The following CACNA1B variants were observed in gnomAD, a reference collection of about 807,000 sequenced individuals.
The protein encoded by CACNA1B is calcium voltage-gated channel subunit alpha1 B, also known as voltage-dependent N-type calcium channel subunit alpha-1B.
Under a neutral mutation model 247.2 loss-of-function variants are expected in CACNA1B, and 70 were observed. The ratio of observed to expected loss-of-function variants is 0.28; its 90% CI spans 0.23 to 0.35. The LOEUF is 0.35. Ranked by LOEUF, CACNA1B falls within the 10% of genes least tolerant of loss-of-function variation. The probability of loss-of-function intolerance (pLI) is 1.00; values close to 1 mark genes in which losing one functional copy is unlikely to be tolerated. For synonymous variants in CACNA1B, 1,231 were observed against 1,294.4 expected (o/e 0.95, Z 1.05); for missense variants, 2,367 against 3,197.4 (o/e 0.74, Z 6.26).
At chr9:137,927,996 C>T (rs1374723348) in intron 6 of CACNA1B, among the ~76,000 whole-genome samples, 1 of 152,160 alleles carries the variant, frequency 6.6e-6, no homozygotes, top group Non-Finnish European at 1.5e-5. Context: ...GGTCATGGTA[C>T]CTAATTCTCT....
At chr9:137,987,193 G>A (rs1958374498) in intron 15 of CACNA1B, among the ~76,000 whole-genome samples, 1 of 152,098 alleles carries the variant, frequency 6.6e-6, no homozygotes, top group Admixed American at 6.5e-5. Flanking sequence ...TTTATTCTCC[G>A]AGAACAAAAA....
Position 137,919,648 on chromosome 9 carries a change from C to A in CACNA1B, c.966+2217C>A, listed in dbSNP as rs1476635253. 6.6e-6 allele frequency among the ~76,000 whole-genome samples: 1 copy of A among 152,258 alleles called. No individual in the cohort carries two copies. Among genetic ancestry groups the A allele is most frequent in the African/African-American group, 2.4e-5 (1 of 41,468 alleles). ...ACTTTTGTGGCCCCTCGGATATACG[C>A]TCCTTCAAGCAATGACATCTGGGTT... On this transcript the variant is annotated intron_variant, in intron 6 of 46. Transcript: ENST00000371372. This position sits in a 1 kb window ranked among gnomAD's most constrained non-coding sequence, Gnocchi z 4.6.
chr9:138,047,645 A>C (rs1959195300), intron 23 of CACNA1B, among the ~76,000 whole-genome samples, 187 bp downstream of exon 23: 1 of 152,214 alleles, frequency 6.6e-6, no homozygotes, highest in African/African-American at 2.4e-5. Context: ...TCGTTCACTG[A>C]GAAAATTACT....
At chr9:137,996,561 G>T (rs932284267) in intron 15 of CACNA1B, among the ~76,000 whole-genome samples, 3 of 152,134 alleles carry the variant, frequency 2.0e-5, no homozygotes, top group African/African-American at 7.2e-5. Flanking sequence ...TATGCTGCTT[G>T]GGTGATGGGT....
At position 138,024,924 on chromosome 9, in the gene CACNA1B, G is replaced by A. The variant is rs1392047441; in HGVS notation, c.3069-31G>A. On this transcript the variant is annotated intron_variant, in intron 19 of 46. Transcript: ENST00000371372. ...CGGGATCACAGGTGTGAGCCACTGC[G>A]CCGAGGCCTGATGTACATTCTTGAT... The A allele has an allele frequency of 4.0e-6, 6 of 1,484,620 alleles. No individual in the cohort carries two copies. In the Admixed American group the frequency reaches 5.9e-5, roughly 15 times the overall value. The allele number at this position is 1,484,620 out of a possible 1,614,324, so 92.0% of individuals were successfully genotyped here. A position where few individuals can be genotyped will look rare whatever the true frequency, so the allele number is the denominator to read the frequency against.
chr9:137,949,217 TGTGA>T (rs796638049), intron 6 of CACNA1B, among the ~76,000 whole-genome samples: 83 of 48,884 alleles, frequency 1.7e-3, no homozygotes, highest in African/African-American at 6.0e-3. Flanking sequence ...GTATGTGTGG[TGTGA>T]GTGTGTGTGT....
chr9:137,895,396 A>G (rs1219101993), intron 3 of CACNA1B, among the ~76,000 whole-genome samples: 2 of 152,238 alleles, frequency 1.3e-5, no homozygotes, highest in African/African-American at 4.8e-5. Flanking sequence ...ATATAAAAAA[A>G]ATCAGTTTCA....
intron 3 of CACNA1B, among the ~76,000 whole-genome samples, chr9:137,901,348 C>T (rs1301913564): frequency 1.3e-5 from 2 of 151,110 alleles, no homozygotes; most frequent in African/African-American, 2.4e-5. Flanking sequence ...TTCCTGTGTC[C>T]GTGTGTCTGT....
chr9:138,000,976 A>G (rs993463083), intron 15 of CACNA1B, among the ~76,000 whole-genome samples: 2 of 152,156 alleles, frequency 1.3e-5, no homozygotes, highest in African/African-American at 4.8e-5. Flanking sequence ...CTCCTTAAAA[A>G]TATGCTTTTT....
chr9:138,088,271 A>G (rs1589121281), intron 36 of CACNA1B, among the ~76,000 whole-genome samples: 1 of 152,072 alleles, frequency 6.6e-6, no homozygotes, highest in Admixed American at 6.5e-5. Context: ...TGGGAGGCTG[A>G]GGCAGGAGAA....
intron 20 of CACNA1B, among the ~76,000 whole-genome samples, chr9:138,028,268 C>T (rs1269050785): frequency 6.6e-6 from 1 of 152,126 alleles, no homozygotes; most frequent in Non-Finnish European, 1.5e-5. Context: ...AGTGATCCAC[C>T]TGTCTTGGCC....
chr9:138,057,777 C>T lies in CACNA1B; in HGVS notation c.4014C>T (p.Pro1338=), dbSNP rs1708941319. ...DYEKEEVEAQ[P]RQWKKYDFHY... ...AGAAGGAGGAAGTGGAAGCTCAGCC[C>T]AGGCAGTGGAAGAAATACGACTTTC... Residue 1338 remains proline (P), a synonymous_variant, in exon 27 of 47, where the codon CCC becomes CCT. Coordinates refer to ENST00000371372, the MANE Select transcript of CACNA1B (RefSeq NM_000718.4). The surrounding 1 kb of genome is among the most constrained non-coding windows in gnomAD (Gnocchi z 4.0). The T allele has an allele frequency of 6.2e-7, 1 of 1,612,712 alleles. No homozygotes were observed. The highest frequency in any genetic ancestry group is 1.3e-5 in the African/African-American group (1 of 74,922).
intron 15 of CACNA1B, among the ~76,000 whole-genome samples, chr9:137,994,961 T>C (rs565140783): frequency 6.6e-6 from 1 of 152,156 alleles, no homozygotes; most frequent in South Asian, 2.1e-4. Context: ...TCCCAGCACT[T>C]TGGAAGGCCA....
rs974163886 is a variant in CACNA1B, at chr9:138,011,864, C to T, written c.2161-1265C>T. 5.3e-5 allele frequency among the ~76,000 whole-genome samples: 8 copies of T among 152,208 alleles called. No individual in the cohort carries two copies. Among genetic ancestry groups the T allele is most frequent in the Admixed American group, 1.3e-4 (2 of 15,278 alleles). ...TTTTAGGGAACACTGGGAATGCTGGCTCCCAGGGGAGCCAGGTGGGTCTGG... is the reference window on the plus strand; with the variant it reads ...TTTTAGGGAACACTGGGAATGCTGGTTCCCAGGGGAGCCAGGTGGGTCTGG... On this transcript the variant is annotated intron_variant, in intron 17 of 46. Transcript: ENST00000371372. The surrounding 1 kb of genome is among the most constrained non-coding windows in gnomAD (Gnocchi z 4.2).
rs914100211 is a variant in CACNA1B, at chr9:138,124,241, G to A, written c.*2242G>A. ...GTCTGCATCTGGAACCAGTCAAGCAGTGGCTGTAGTTTGAACAAGTTATGT... is the reference window on the plus strand; with the variant it reads ...GTCTGCATCTGGAACCAGTCAAGCAATGGCTGTAGTTTGAACAAGTTATGT... On this transcript the variant is annotated 3_prime_UTR_variant, in exon 47 of 47. Coordinates refer to ENST00000371372, the MANE Select transcript of CACNA1B (RefSeq NM_000718.4). 6.6e-6 allele frequency: 1 copy of A among 152,190 alleles called. No individual in the cohort carries two copies. The highest frequency in any genetic ancestry group is 2.4e-5 in the African/African-American group (1 of 41,432). The allele number at this position is 152,190 out of a possible 1,614,324, so 9.4% of individuals were successfully genotyped here.
In CACNA1B at chr9:137,917,234, C is replaced by G; in HGVS notation, c.776-7C>G. On this transcript the variant is annotated splice_polypyrimidine_tract_variant and splice_region_variant and intron_variant, in intron 5 of 46. Transcript: ENST00000371372. The surrounding 1 kb of genome is among the most constrained non-coding windows in gnomAD (Gnocchi z 5.5). ...GCTCAGGGTCTGCTTCATTCTCCTTCTTGCAGATGCGGAGCCCGTGGGTGA... is the reference window on the plus strand; with the variant it reads ...GCTCAGGGTCTGCTTCATTCTCCTTGTTGCAGATGCGGAGCCCGTGGGTGA... 1 of 1,609,274 alleles carries G rather than the reference C, an allele frequency of 6.2e-7. No homozygotes were observed. Among genetic ancestry groups the G allele is most frequent in the Non-Finnish European group, 8.5e-7 (1 of 1,177,490 alleles).
intron 20 of CACNA1B, among the ~76,000 whole-genome samples, chr9:138,035,057 C>G (rs1010814494): frequency 6.6e-6 from 1 of 152,232 alleles, no homozygotes; most frequent in South Asian, 2.1e-4. Flanking sequence ...CAACTTAAAA[C>G]TTATGAATTA....
At chr9:138,113,417 G>A (rs1402322225) in intron 40 of CACNA1B, among the ~76,000 whole-genome samples, 1 of 150,862 alleles carries the variant, frequency 6.6e-6, no homozygotes, top group Non-Finnish European at 1.5e-5. Flanking sequence ...GATACGTGAG[G>A]GAACACAATG....
At chr9:137,982,756 CAT>C (rs1162899551) in intron 12 of CACNA1B, among the ~76,000 whole-genome samples, 2 of 152,232 alleles carry the variant, frequency 1.3e-5, no homozygotes, top group African/African-American at 4.8e-5. Flanking sequence ...TCAAGGGCAA[CAT>C]GTGATCACCA....
Sources: gnomAD v4.1 joint callset for allele counts (sites outside exome capture counted in the v4.1 genomes callset) on GRCh38, gnomAD v4.1.1 for gene constraint, Gnocchi (gnomAD v3.1) non-coding constraint, MANE v1.5 for transcripts, NCBI Gene and HGNC (gene_info 2026-07-23, HGNC 2026-07-21) for gene names.